Variants in PLXNA4 observed in about 807,000 individuals in gnomAD.
The protein encoded by PLXNA4 is plexin A4, also known as plexin-A4.
Under a neutral mutation model 191.8 loss-of-function variants are expected in PLXNA4, and 44 were observed. The ratio of observed to expected loss-of-function variants is 0.23; its 90% CI spans 0.18 to 0.29. The LOEUF (loss-of-function observed/expected upper bound fraction) is 0.29. Among genes scored for constraint, PLXNA4 ranks in the 10% least tolerant of loss-of-function variants. PLXNA4 has a pLI of 1.00. For synonymous variants in PLXNA4, 1,082 were observed against 1,009.5 expected, an observed-to-expected ratio of 1.07 and a Z score of -1.36; for missense variants, 1,800 against 2,488.8, an observed-to-expected ratio of 0.72 and a Z score of 5.89.
chr7:132,172,872 ATTC>A (rs1345933579), intron 21 of PLXNA4, among the ~76,000 whole-genome samples: 10 of 152,300 alleles, frequency 6.6e-5, no homozygotes, highest in African/African-American at 2.4e-4. Context: ...TCCTCATTGC[ATTC>A]TTATTTAAAT....
chr7:132,592,882 C>G lies in PLXNA4; in HGVS notation c.-87+53046G>C, dbSNP rs542083631. On this transcript the variant is annotated intron_variant, in intron 2 of 4. Transcript: ENST00000378539. ...CAAAAAAAATTTAAAAAAAAAAACCCGAAGACCTTGTTTTGCCACATGCAT... is the reference window on the plus strand; with the variant it reads ...CAAAAAAAATTTAAAAAAAAAAACCGGAAGACCTTGTTTTGCCACATGCAT... Among the ~76,000 whole-genome samples, 74 of 150,946 alleles carry G rather than the reference C, an allele frequency of 4.9e-4. 1 individual carries two copies. Among genetic ancestry groups the G allele is most frequent in the Middle Eastern group, 6.8e-3 (2 of 292 alleles).
At chr7:132,140,567 G>T in intron 30 of PLXNA4, 32 bp downstream of exon 30, 1 of 1,609,004 alleles carries the variant, frequency 6.2e-7, no homozygotes, top group Non-Finnish European at 8.5e-7. Flanking sequence ...CCAGCAAGGG[G>T]CCCTGACTTG....
At chr7:132,387,762 G>A (rs937290162) in intron 3 of PLXNA4, among the ~76,000 whole-genome samples, 11 of 152,150 alleles carry the variant, frequency 7.2e-5, no homozygotes, top group South Asian at 2.1e-4. Flanking sequence ...GGCGGCCCAC[G>A]CAGAGACAGC....
chr7:132,594,177 G>A (rs900926285), intron 2 of PLXNA4, among the ~76,000 whole-genome samples: 1 of 152,212 alleles, frequency 6.6e-6, no homozygotes, highest in African/African-American at 2.4e-5. Flanking sequence ...TTAAGATGAG[G>A]TCATACTGGA....
chr7:132,505,870 G>A (rs1174753273), intron 2 of PLXNA4, among the ~76,000 whole-genome samples: 1 of 152,112 alleles, frequency 6.6e-6, no homozygotes, highest in African/African-American at 2.4e-5. Flanking sequence ...CCTGTCTCAT[G>A]GACTCTCTTA....
intron 3 of PLXNA4, among the ~76,000 whole-genome samples, chr7:132,482,721 C>A (rs1797388067): frequency 1.4e-5 from 2 of 141,410 alleles, no homozygotes; most frequent in Non-Finnish European, 3.0e-5. Flanking sequence ...GAGATGGAGT[C>A]TCACTCTATT....
chr7:132,125,651 G>A lies in PLXNA4; in HGVS notation c.*4828C>T, dbSNP rs1391963469. ...TAAAGGAAGAGGCTGAGGGTTCAAG[G>A]CCTCCCAGTCACCTGTCCTGAGAGC... On this transcript the variant is annotated 3_prime_UTR_variant, in exon 32 of 32. Transcript: ENST00000321063. The A allele has an allele frequency of 6.6e-6, 1 of 152,046 alleles. No individual in the cohort carries two copies. 9.4% of individuals were successfully genotyped at this position (152,046 alleles called of 1,614,324 possible).
chr7:132,158,511 A>C (rs956588843), intron 25 of PLXNA4, among the ~76,000 whole-genome samples: 5 of 152,226 alleles, frequency 3.3e-5, no homozygotes, highest in African/African-American at 1.2e-4. Context: ...TTATCCTCAT[A>C]ATCAGTGACA....
intron 3 of PLXNA4, among the ~76,000 whole-genome samples, chr7:132,331,960 CTGGACAACCT>C (rs369406810): frequency 1.1e-4 from 16 of 152,336 alleles, no homozygotes; most frequent in Admixed American, 2.6e-4. Flanking sequence ...GATAAGGCAT[CTGGACAACCT>C]TGGACAAGGC....
chr7:132,566,248 G>A (rs1250936986), intron 1 of PLXNA4, among the ~76,000 whole-genome samples: 1 of 152,064 alleles, frequency 6.6e-6, no homozygotes, highest in African/African-American at 2.4e-5. Flanking sequence ...ACCACTGAGA[G>A]GGTACCCCCT....
intron 14 of PLXNA4, among the ~76,000 whole-genome samples, chr7:132,192,986 G>T (rs1427460487): frequency 6.6e-6 from 1 of 152,104 alleles, no homozygotes; most frequent in Middle Eastern, 3.2e-3. Flanking sequence ...GAGGGAAATG[G>T]ATTGGGTATG....
chr7:132,514,019 T>A (rs544070009), intron 1 of PLXNA4, among the ~76,000 whole-genome samples: 2 of 150,864 alleles, frequency 1.3e-5, no homozygotes, highest in African/African-American at 2.4e-5. Context: ...AAAATACTAG[T>A]ATGTCACATA....
chr7:132,353,641 CA>C (rs1265156619), intron 3 of PLXNA4, among the ~76,000 whole-genome samples: 2 of 151,968 alleles, frequency 1.3e-5, no homozygotes, highest in Non-Finnish European at 2.9e-5. Flanking sequence ...CAAAACAAAA[CA>C]AAAAAACACA....
chr7:132,240,727 T>A (rs1246414283), intron 5 of PLXNA4, among the ~76,000 whole-genome samples: 1 of 152,162 alleles, frequency 6.6e-6, no homozygotes, highest in Non-Finnish European at 1.5e-5. Flanking sequence ...GGAAAGTCAG[T>A]CTCTAGCCCA....
At chr7:132,622,709 C>G (rs889558804) in intron 2 of PLXNA4, among the ~76,000 whole-genome samples, 1 of 152,202 alleles carries the variant, frequency 6.6e-6, no homozygotes, top group Non-Finnish European at 1.5e-5. Context: ...AATGTCCTGT[C>G]AGACATCAGA....
chr7:132,478,886 C>T (rs1797228523), intron 3 of PLXNA4, among the ~76,000 whole-genome samples: 2 of 152,140 alleles, frequency 1.3e-5, no homozygotes, highest in Admixed American at 1.3e-4. Flanking sequence ...AGCAGAAAGA[C>T]AACCCATCTC....
At chr7:132,380,246 A>G (rs887901878) in intron 3 of PLXNA4, among the ~76,000 whole-genome samples, 5 of 152,228 alleles carry the variant, frequency 3.3e-5, no homozygotes, top group African/African-American at 1.2e-4. Flanking sequence ...TGTAGAGAGC[A>G]GCCTGTGGAA....
At chr7:132,344,409 G>A (rs1243613036) in intron 3 of PLXNA4, among the ~76,000 whole-genome samples, 1 of 152,134 alleles carries the variant, frequency 6.6e-6, no homozygotes, top group African/African-American at 2.4e-5. Flanking sequence ...GCTCCCCAGA[G>A]GCAAGGGAGG....
chr7:132,292,680 C>A (rs1053004710), intron 4 of PLXNA4, among the ~76,000 whole-genome samples: 2 of 152,178 alleles, frequency 1.3e-5, no homozygotes, highest in Non-Finnish European at 2.9e-5. Context: ...ACCTGCTAGA[C>A]ACAAGAGAGA....
Sources: gnomAD v4.1 joint callset for allele counts (sites outside exome capture counted in the v4.1 genomes callset) on GRCh38, gnomAD v4.1.1 for gene constraint, MANE v1.5 for transcripts, NCBI Gene and HGNC (gene_info 2026-07-23, HGNC 2026-07-21) for gene names.